The following CLIC6 variants were observed in gnomAD, a reference collection of about 807,000 sequenced individuals.
CLIC6 encodes the protein chloride intracellular channel protein 6.
In CLIC6, 39 loss-of-function variants were observed where a neutral mutation model predicts 49.2. The ratio of observed to expected loss-of-function variants is 0.79; its 90% CI spans 0.61 to 1.04. CLIC6 has a LOEUF of 1.04. CLIC6 is among the 50% of genes least tolerant of loss of function. CLIC6 has a pLI of 0.00. For synonymous variants in CLIC6, 446 were observed against 433.4 expected (o/e 1.03, Z -0.36); for missense variants, 988 against 993.1 (o/e 0.99, Z 0.07).
intron 1 of CLIC6, among the ~76,000 whole-genome samples, chr21:34,682,875 G>A (rs913742360): frequency 7.8e-6 from 1 of 128,454 alleles, no homozygotes; most frequent in Non-Finnish European, 1.6e-5. Flanking sequence ...GCGGTGGCGC[G>A]ATCTCGGCTC....
At chr21:34,677,418 AAG>A (rs1204444503) in intron 1 of CLIC6, among the ~76,000 whole-genome samples, 6 of 152,220 alleles carry the variant, frequency 3.9e-5, no homozygotes, top group African/African-American at 1.4e-4. Flanking sequence ...GAACACCATT[AAG>A]AGTGTGTTCA....
At position 34,690,863 on chromosome 21, in the gene CLIC6, A is replaced by G. The variant is rs114548829; in HGVS notation, c.1375-16417A>G. On this transcript the variant is annotated intron_variant, in intron 1 of 5. Transcript: ENST00000349499. The stretch of plus-strand genomic sequence containing the variant: ...GGGAAAGGAGTTATAATACATGTCA[A>G]AAAAAAAAAAAAAAAAAAGCATGTG... 2.2e-3 allele frequency among the ~76,000 whole-genome samples: 313 copies of G among 142,510 alleles called. 2 individuals are homozygous for G. The highest frequency in any genetic ancestry group is 8.5e-3 in the African/African-American group (299 of 34,996). 93.5% of individuals were successfully genotyped at this position (142,510 alleles called of 152,430 possible). A position where few individuals can be genotyped will look rare whatever the true frequency, so the allele number is the denominator to read the frequency against.
At chr21:34,672,870 A>T (rs1440245086) in intron 1 of CLIC6, among the ~76,000 whole-genome samples, 2 of 152,216 alleles carry the variant, frequency 1.3e-5, no homozygotes, top group African/African-American at 2.4e-5. Flanking sequence ...TGAGAAATTG[A>T]GAATTAGATT....
chr21:34,686,096 T>C (rs141595938), intron 1 of CLIC6, among the ~76,000 whole-genome samples: 114 of 152,362 alleles, frequency 7.5e-4, no homozygotes, highest in African/African-American at 2.7e-3. Context: ...AAAGCATTTA[T>C]TAATATGATT....
At chr21:34,699,401 G>A (rs547051504) in intron 1 of CLIC6, among the ~76,000 whole-genome samples, 12 of 146,446 alleles carry the variant, frequency 8.2e-5, no homozygotes, top group African/African-American at 2.8e-4. Flanking sequence ...ACAGGCGCAT[G>A]TCACCATACC....
chr21:34,707,395 A>G lies in CLIC6; in HGVS notation c.1484+6A>G. 1 of 1,563,156 alleles carries G rather than the reference A, an allele frequency of 6.4e-7. No individual in the cohort carries two copies. The highest frequency in any genetic ancestry group is 8.8e-7 in the Non-Finnish European group (1 of 1,133,898). On this transcript the variant is annotated splice_donor_region_variant and intron_variant, in intron 2 of 5. Transcript: ENST00000349499. ...ACCACAGTGGACCTGAAAAGGTAAG[A>G]CAAGGCGTCTGCCTTACTGAAATAA...
chr21:34,680,605 G>A (rs184308665), intron 1 of CLIC6, among the ~76,000 whole-genome samples: 257 of 152,164 alleles, frequency 1.7e-3, no homozygotes, highest in African/African-American at 5.9e-3. Flanking sequence ...TGAATGCTTT[G>A]CCACTTAGAA....
Position 34,670,681 on chromosome 21 carries a change from C to T in CLIC6, c.1293C>T (p.Arg431=). Residue 431 remains arginine, a synonymous_variant, in exon 1 of 6, where the codon CGC becomes CGT. Transcript: ENST00000349499. ...GPAEGSGEAA[R]VNGRREDGEA... Reference sequence around the variant, plus strand: ...CCGAGGGTAGCGGCGAGGCCGCGCGCGTGAACGGCCGCCGGGAGGACGGAG... The same window carrying T: ...CCGAGGGTAGCGGCGAGGCCGCGCGTGTGAACGGCCGCCGGGAGGACGGAG... 1 of 1,577,670 alleles carries T rather than the reference C, an allele frequency of 6.3e-7. No homozygotes were observed. Among genetic ancestry groups the T allele is most frequent in the Non-Finnish European group, 8.6e-7 (1 of 1,165,678 alleles).
intron 1 of CLIC6, among the ~76,000 whole-genome samples, chr21:34,671,448 G>C (rs1443059187): frequency 1.3e-5 from 2 of 152,200 alleles, no homozygotes; most frequent in African/African-American, 4.8e-5. Context: ...TCATCTGCTT[G>C]TATGTCATGT....
intron 1 of CLIC6, among the ~76,000 whole-genome samples, chr21:34,684,942 G>A (rs1337430029): frequency 6.6e-6 from 1 of 152,224 alleles, no homozygotes; most frequent in African/African-American, 2.4e-5. Flanking sequence ...GTTTCCAGGT[G>A]TGAGAGTTCA....
At chr21:34,703,031 C>G (rs766645510) in intron 1 of CLIC6, among the ~76,000 whole-genome samples, 17 of 130,634 alleles carry the variant, frequency 1.3e-4, no homozygotes, top group Non-Finnish European at 2.1e-4. Context: ...CTCACTCACT[C>G]TCCACATCCT....
At position 34,669,450 on chromosome 21, in the gene CLIC6, C is replaced by A; in HGVS notation, c.62C>A (p.Pro21His). 1 of 1,233,872 alleles carries A rather than the reference C, an allele frequency of 8.1e-7. No individual in the cohort carries two copies. Among genetic ancestry groups the A allele is most frequent in the South Asian group, 4.0e-5 (1 of 24,742 alleles). 76.4% of individuals were successfully genotyped at this position (1,233,872 alleles called of 1,614,324 possible). A position where few individuals can be genotyped will look rare whatever the true frequency, so the allele number is the denominator to read the frequency against. Residue 21 changes from proline to histidine, a missense_variant, in exon 1 of 6, where the codon CCC becomes CAC. Physicochemically the swap from Pro to His is moderately conservative, Grantham distance 77. This residue lies in a region of CLIC6 where 284 missense variants were observed against 278.6 expected (regional missense o/e 1.02). Coordinates refer to ENST00000349499, the MANE Select transcript of CLIC6 (RefSeq NM_053277.3). ...APGPQGPPEVPAPLAERPGEP... is the reference protein window; with the variant it reads ...APGPQGPPEVHAPLAERPGEP... The stretch of plus-strand genomic sequence containing the variant: ...GGTCCCCAGGGGCCGCCGGAGGTCC[C>A]CGCGCCTCTGGCTGAGAGACCCGGA...
Position 34,709,370 on chromosome 21 carries a change from C to A in CLIC6, c.1731C>A (p.Asn577Lys), listed in dbSNP as rs1175675835. The change falls in exon 5 of 6, where the codon AAC becomes AAA. Residue 577 changes from asparagine to lysine, a missense_variant. By Grantham distance (94) the Asn-to-Lys change is moderately conservative. Transcript: ENST00000349499. ...KKDANEIHEKNLLKALRKLDN... is the reference protein window; with the variant it reads ...KKDANEIHEKKLLKALRKLDN... Reference sequence around the variant, plus strand: ...CTTCTGTTTTAGTTCATGAAAAGAACCTGCTGAAGGCCCTGAGGAAGCTGG... The same window carrying A: ...CTTCTGTTTTAGTTCATGAAAAGAAACTGCTGAAGGCCCTGAGGAAGCTGG... 3 of 1,613,124 alleles carry A rather than the reference C, an allele frequency of 1.9e-6. No individual in the cohort carries two copies. The highest frequency in any genetic ancestry group is 4.5e-5 in the East Asian group (2 of 44,876).
At position 34,670,567 on chromosome 21, in the gene CLIC6, C is replaced by T. The variant is rs371112300; in HGVS notation, c.1179C>T (p.Ser393=). The T allele has an allele frequency of 1.6e-4, 235 of 1,507,702 alleles. No individual in the cohort carries two copies. Among genetic ancestry groups the T allele is most frequent in the Non-Finnish European group, 2.0e-4 (227 of 1,128,686 alleles). 93.4% of individuals were successfully genotyped at this position (1,507,702 alleles called of 1,614,324 possible). ...AAGCAGCGGGGGGCGAAGAGGAATC[C>T]CCCGACAGCAGCCCACATGGGGAGG... ...EEEAAGGEEE[S]PDSSPHGEAS... Residue 393 remains serine (S), a synonymous_variant, in exon 1 of 6, where the codon TCC becomes TCT. Coordinates refer to ENST00000349499, the MANE Select transcript of CLIC6 (RefSeq NM_053277.3).
chr21:34,684,921 G>A (rs1989847570), intron 1 of CLIC6, among the ~76,000 whole-genome samples: 1 of 152,302 alleles, frequency 6.6e-6, no homozygotes, highest in African/African-American at 2.4e-5. Context: ...CAGTTTCAGG[G>A]CACCCTTTTG....
intron 1 of CLIC6, among the ~76,000 whole-genome samples, chr21:34,689,903 C>T (rs980505474): frequency 6.6e-6 from 1 of 152,202 alleles, no homozygotes; most frequent in African/African-American, 2.4e-5. Context: ...TGAAATTATG[C>T]TTCTTGCTCC....
At chr21:34,678,831 GATATA>G (rs558028530) in intron 1 of CLIC6, among the ~76,000 whole-genome samples, 338 of 152,238 alleles carry the variant, frequency 2.2e-3, no homozygotes, top group Non-Finnish European at 3.5e-3. Flanking sequence ...AACATAAAAA[GATATA>G]ATATAATGAG....
intron 1 of CLIC6, among the ~76,000 whole-genome samples, chr21:34,677,383 A>C (rs1989693731): frequency 6.6e-6 from 1 of 152,236 alleles, no homozygotes; most frequent in Non-Finnish European, 1.5e-5. Context: ...AGCTGGTACT[A>C]CAGTATGGTA....
In CLIC6 at chr21:34,669,234, G is replaced by A. The variant is rs1046151287; in HGVS notation, c.-155G>A. On this transcript the variant is annotated 5_prime_UTR_variant, in exon 1 of 6. Transcript: ENST00000349499. Reference sequence around the variant, plus strand: ...GTTTGCCCTGCGGGTCCTGCGCAAGGCCCCAGTGCCCCGGCTAAACCTTTG... The same window carrying A: ...GTTTGCCCTGCGGGTCCTGCGCAAGACCCCAGTGCCCCGGCTAAACCTTTG... 2.0e-5 allele frequency among the ~76,000 whole-genome samples: 3 copies of A among 152,354 alleles called. No homozygotes were observed. The highest frequency in any genetic ancestry group is 3.9e-4 in the East Asian group (2 of 5,182).
Sources: allele counts gnomAD v4.1 joint callset (sites outside exome capture counted in the v4.1 genomes callset), GRCh38; gene constraint gnomAD v4.1.1; regional missense constraint gnomAD v4.1.1; transcripts MANE v1.5; gene names NCBI Gene and HGNC (gene_info 2026-07-23, HGNC 2026-07-21).